Variants in PCDHGA7 observed in about 807,000 individuals in gnomAD.
PCDHGA7 encodes the protein protocadherin gamma-A7.
A neutral mutation model predicts 58.3 loss-of-function variants in PCDHGA7; 44 were observed. The observed-to-expected ratio is 0.75, with a 90% confidence interval of 0.59 to 0.97. The LOEUF (loss-of-function observed/expected upper bound fraction) is 0.97. Ranked by LOEUF, PCDHGA7 falls within the 50% of genes least tolerant of loss-of-function variation. The pLI, the probability that PCDHGA7 is intolerant of heterozygous loss-of-function variation, is 0.00. For synonymous variants in PCDHGA7, 516 were observed against 504.2 expected, an observed-to-expected ratio of 1.02 and a Z score of -0.31; for missense variants, 1,266 against 1,188.7, an observed-to-expected ratio of 1.06 and a Z score of -0.96.
chr5:141,448,103 A>G (rs1252710550), intron 1 of PCDHGA7, among the ~76,000 whole-genome samples: 2 of 151,992 alleles, frequency 1.3e-5, no homozygotes, highest in Non-Finnish European at 2.9e-5. Context: ...AAAAAATTAA[A>G]AGAAAAGAAA....
intron 1 of PCDHGA7, among the ~76,000 whole-genome samples, chr5:141,488,554 T>C (rs1313975033): frequency 6.6e-6 from 1 of 152,064 alleles, no homozygotes; most frequent in African/African-American, 2.4e-5. Context: ...CAGCTGACAT[T>C]GAGATTTCCG....
At position 141,477,458 on chromosome 5, in the gene PCDHGA7, T is replaced by C; in HGVS notation, c.2425-17349T>C. 6.2e-7 allele frequency: 1 copy of C among 1,614,126 alleles called. No homozygotes were observed. The highest frequency in any genetic ancestry group is 8.5e-7 in the Non-Finnish European group (1 of 1,180,022). ...CCTTACAATAGTGCGTGTTCAAGTG[T>C]CCGACATCAATGACAACCCTCCACA... On this transcript the variant is annotated intron_variant, in intron 1 of 3. Transcript: ENST00000518325. This position sits in a 1 kb window ranked among gnomAD's most constrained non-coding sequence, Gnocchi z 4.9.
chr5:141,395,544 G>T (rs1352260391), intron 1 of PCDHGA7: 4 of 11,560 alleles, frequency 3.5e-4, no homozygotes, highest in African/African-American at 5.6e-4. Flanking sequence ...GCTATTGTTT[G>T]TGTGTGTGTG....
At position 141,476,043 on chromosome 5, in the gene PCDHGA7, A is replaced by T. The variant is rs2099384502; in HGVS notation, c.2425-18764A>T. 1 of 1,492,156 alleles carries T rather than the reference A, an allele frequency of 6.7e-7. No individual in the cohort carries two copies. Among genetic ancestry groups the T allele is most frequent in the African/African-American group, 1.4e-5 (1 of 71,628 alleles). The allele number at this position is 1,492,156 out of a possible 1,614,324, so 92.4% of individuals were successfully genotyped here. On this transcript the variant is annotated intron_variant, in intron 1 of 3. Coordinates refer to ENST00000518325, the MANE Select transcript of PCDHGA7 (RefSeq NM_018920.4). The surrounding 1 kb of genome is among the most constrained non-coding windows in gnomAD (Gnocchi z 7.6). ...ACTCGGCGCCCAGCGCCCAAGCGCT[A>T]ACCCGCTGAAAGTTTCTCAGCGAAA...
At chr5:141,450,006 CTTTTTTT>C (rs1554136305) in intron 1 of PCDHGA7, among the ~76,000 whole-genome samples, 12 of 132,986 alleles carry the variant, frequency 9.0e-5, no homozygotes, top group Non-Finnish European at 1.7e-4. Context: ...TGCCATGTCT[CTTTTTTT>C]TTTTTTTTTT....
chr5:141,410,852 T>A, intron 1 of PCDHGA7: 1 of 284,264 alleles, frequency 3.5e-6, no homozygotes. Context: ...TCTTTGTCTT[T>A]TTTTTTTTTT....
Position 141,476,757 on chromosome 5 carries a change from T to C in PCDHGA7, c.2425-18050T>C. On this transcript the variant is annotated intron_variant, in intron 1 of 3. Coordinates refer to ENST00000518325, the MANE Select transcript of PCDHGA7 (RefSeq NM_018920.4). This position sits in a 1 kb window ranked among gnomAD's most constrained non-coding sequence, Gnocchi z 7.6. ...CGGGAGCCTAGTCTCCAGTTAGTGC[T>C]GACGGCGTTGGACGGAGGGACCCCA... 1.2e-6 allele frequency: 2 copies of C among 1,613,906 alleles called. No individual in the cohort carries two copies. The highest frequency in any genetic ancestry group is 1.7e-6 in the Non-Finnish European group (2 of 1,180,004).
In PCDHGA7 at chr5:141,432,973, G is replaced by T. The variant is rs150572360; in HGVS notation, c.2424+47650G>T. The T allele has an allele frequency of 3.7e-6, 6 of 1,614,096 alleles. 1 individual carries two copies. The highest frequency in any genetic ancestry group is 1.7e-5 in the Admixed American group (1 of 60,014). Reference sequence around the variant, plus strand: ...GCGGCTTGACAGGAGCGCCGGCGTCGCACTTTGTGGGCGTGGACGGGGTGC... The same window carrying T: ...GCGGCTTGACAGGAGCGCCGGCGTCTCACTTTGTGGGCGTGGACGGGGTGC... On this transcript the variant is annotated intron_variant, in intron 1 of 3. Coordinates refer to ENST00000518325, the MANE Select transcript of PCDHGA7 (RefSeq NM_018920.4). This position sits in a 1 kb window ranked among gnomAD's most constrained non-coding sequence, Gnocchi z 6.0.
Position 141,383,476 on chromosome 5 carries a change from GA to G in PCDHGA7, c.579del (p.Glu193AspfsTer38). 1.2e-6 allele frequency: 2 copies of G among 1,613,748 alleles called. No homozygotes were observed. Among genetic ancestry groups the G allele is most frequent in the Non-Finnish European group, 1.7e-6 (2 of 1,179,794 alleles). On this transcript the variant is annotated frameshift_variant, in exon 1 of 4. Transcript: ENST00000518325. LOFTEE classifies it high-confidence loss of function. Reference protein sequence around the residue: ...QSGDDETKYPELVLERVLDRE... With the variant: ...QSGDDETKYPXLVLERVLDRE... ...TGGAGACGATGAAACTAAGTACCCG[GA>G]ACTGGTGCTGGAGCGGGTGCTGGAC...
chr5:141,470,855 G>A (rs2099242095), intron 1 of PCDHGA7, among the ~76,000 whole-genome samples: 3 of 151,856 alleles, frequency 2.0e-5, no homozygotes, highest in Admixed American at 2.0e-4. Context: ...GCTCAGATAA[G>A]TTTTTTGTTT....
At chr5:141,495,257 A>T (rs1411983517) in intron 2 of PCDHGA7, among the ~76,000 whole-genome samples, 1 of 152,200 alleles carries the variant, frequency 6.6e-6, no homozygotes, top group Non-Finnish European at 1.5e-5. Context: ...CTCAGGCAGA[A>T]AAGCATTTGA....
intron 1 of PCDHGA7, among the ~76,000 whole-genome samples, chr5:141,426,098 A>T (rs144349682): frequency 6.6e-6 from 1 of 152,356 alleles, no homozygotes; most frequent in Non-Finnish European, 1.5e-5. Flanking sequence ...TATTCTGTTC[A>T]GTCACAGAAG....
Position 141,475,863 on chromosome 5 carries a change from C to G in PCDHGA7, c.2425-18944C>G, listed in dbSNP as rs1037784260. On this transcript the variant is annotated intron_variant, in intron 1 of 3. Transcript: ENST00000518325. ...TCAGAGAGCCCGGCGCTAGCTCATT[C>G]TTCGTGCAGTTATTGGCTGGGACTC... is the stretch of plus-strand genomic sequence containing the variant. 1.4e-5 allele frequency: 7 copies of G among 499,790 alleles called. 1 individual carries two copies. The highest frequency in any genetic ancestry group is 1.4e-4 in the African/African-American group (7 of 51,600). The allele number at this position is 499,790 out of a possible 1,614,324, so 31.0% of individuals were successfully genotyped here. A position where few individuals can be genotyped will look rare whatever the true frequency, so the allele number is the denominator to read the frequency against.
chr5:141,409,476 C>T (rs1195323775), intron 1 of PCDHGA7: 1 of 1,613,982 alleles, frequency 6.2e-7, no homozygotes, highest in South Asian at 1.1e-5. Context: ...ATCGTAGCCA[C>T]TGACAGGGGC....
chr5:141,395,111 T>A, intron 1 of PCDHGA7: 1 of 1,613,670 alleles, frequency 6.2e-7, no homozygotes, highest in Non-Finnish European at 8.5e-7. Flanking sequence ...CGCGGAAGAG[T>A]CACCTGATCT....
chr5:141,464,419 A>G (rs2099083824), intron 1 of PCDHGA7, among the ~76,000 whole-genome samples: 1 of 151,768 alleles, frequency 6.6e-6, no homozygotes, highest in South Asian at 2.1e-4. Context: ...ATATATCTAT[A>G]TATATAGATA....
rs2099411033 is a variant in PCDHGA7, at chr5:141,477,423, C to T, written c.2425-17384C>T. ...ACCGCCCGAGACGCCGGAACCCCTT[C>T]CCTCTCAGCCCTTACAATAGTGCGT... On this transcript the variant is annotated intron_variant, in intron 1 of 3. Coordinates refer to ENST00000518325, the MANE Select transcript of PCDHGA7 (RefSeq NM_018920.4). This position sits in a 1 kb window ranked among gnomAD's most constrained non-coding sequence, Gnocchi z 4.9. 1.9e-6 allele frequency: 3 copies of T among 1,614,196 alleles called. No individual in the cohort carries two copies. The highest frequency in any genetic ancestry group is 2.2e-5 in the East Asian group (1 of 44,882).
chr5:141,456,783 C>G (rs1400541298), intron 1 of PCDHGA7, among the ~76,000 whole-genome samples: 3 of 151,802 alleles, frequency 2.0e-5, no homozygotes, highest in African/African-American at 4.8e-5. Flanking sequence ...GCCTACATGG[C>G]AAAACCCCAT....
intron 1 of PCDHGA7, chr5:141,471,361 C>T (rs1206745378): frequency 6.6e-6 from 1 of 151,976 alleles, no homozygotes; most frequent in Non-Finnish European, 1.5e-5. Context: ...TCCAAGCCCC[C>T]TATTTTTATT....
Sources: gnomAD v4.1 joint callset for allele counts (sites outside exome capture counted in the v4.1 genomes callset) on GRCh38, gnomAD v4.1.1 for gene constraint, Gnocchi (gnomAD v3.1) non-coding constraint, MANE v1.5 for transcripts, NCBI Gene and HGNC (gene_info 2026-07-23, HGNC 2026-07-21) for gene names.